The following SF3A3 variants were observed in gnomAD, a reference collection of about 807,000 sequenced individuals.
SF3A3 encodes the protein splicing factor 3a subunit 3, also known as SAP 61.
In SF3A3, 9 loss-of-function variants were observed where a neutral mutation model predicts 85.8. That is an observed-to-expected ratio of 0.10 (90% CI 0.06 to 0.18). The LOEUF (loss-of-function observed/expected upper bound fraction) is 0.18, where lower values mean the gene tolerates loss of function less well. Ranked by LOEUF, SF3A3 falls within the 10% of genes least tolerant of loss-of-function variation. The pLI, the probability that SF3A3 is intolerant of heterozygous loss-of-function variation, is 1.00. For missense variants in SF3A3, 306 were observed against 593.3 expected, an observed-to-expected ratio of 0.52 and a Z score of 5.03; for synonymous variants, 195 against 204.4, an observed-to-expected ratio of 0.95 and a Z score of 0.39.
intron 15 of SF3A3, among the ~76,000 whole-genome samples, chr1:37,965,226 AG>A (rs1646290406): frequency 1.4e-5 from 2 of 142,076 alleles, no homozygotes; most frequent in Admixed American, 1.5e-4. Flanking sequence ...AGCATTTTGT[AG>A]GGCCAAGGTG....
chr1:37,989,824 T>TC (rs755554570), intron 1 of SF3A3, 46 bp downstream of exon 1: 194 of 1,464,698 alleles, frequency 1.3e-4, no homozygotes, highest in Non-Finnish European at 1.8e-4. Flanking sequence ...AAACACGGGA[T>TC]AGAGGCTCGT....
chr1:37,970,304 C>CAA (rs35452372), intron 12 of SF3A3, among the ~76,000 whole-genome samples: 89 of 103,480 alleles, frequency 8.6e-4, no homozygotes, highest in African/African-American at 2.6e-3. Context: ...GACTCCTTCT[C>CAA]AAAAAAAAAA....
intron 15 of SF3A3, among the ~76,000 whole-genome samples, chr1:37,966,915 A>G (rs1048421680): frequency 1.0e-5 from 1 of 99,062 alleles, no homozygotes; most frequent in African/African-American, 4.1e-5. Context: ...AGCCTGGGCA[A>G]TATGAGCGAA....
intron 15 of SF3A3, among the ~76,000 whole-genome samples, chr1:37,965,302 C>CAAAAAAAAAAA (rs55747818): frequency 8.0e-5 from 8 of 100,374 alleles, no homozygotes; most frequent in Admixed American, 2.5e-4. Context: ...CCCATCGGCA[C>CAAAAAAAAAAA]AAAAAAAAAA....
At chr1:37,965,997 T>C (rs757917204) in intron 15 of SF3A3, among the ~76,000 whole-genome samples, 22 of 151,858 alleles carry the variant, frequency 1.4e-4, no homozygotes, top group Non-Finnish European at 2.1e-4. Flanking sequence ...GATCAGGAGT[T>C]TGAGACCAGC....
intron 12 of SF3A3, among the ~76,000 whole-genome samples, chr1:37,971,079 T>C (rs1646341761): frequency 6.6e-6 from 1 of 152,024 alleles, no homozygotes; most frequent in East Asian, 1.9e-4. Context: ...GAGCTGGTTT[T>C]TTGAAAAGAT....
chr1:37,958,553 A>C (rs569766608), intron 16 of SF3A3, among the ~76,000 whole-genome samples: 1 of 152,196 alleles, frequency 6.6e-6, no homozygotes, highest in Non-Finnish European at 1.5e-5. Flanking sequence ...TTAGCTCTCT[A>C]TGTTTAAGAT....
chr1:37,958,531 A>C (rs1482265163), intron 16 of SF3A3, among the ~76,000 whole-genome samples: 1 of 152,248 alleles, frequency 6.6e-6, no homozygotes, highest in Non-Finnish European at 1.5e-5. Context: ...AGTATCTGAG[A>C]AAATAGTTTA....
At chr1:37,968,325 C>T (rs910704023) in intron 14 of SF3A3, among the ~76,000 whole-genome samples, 191 bp from the exon 15 acceptor site, 2 of 152,176 alleles carry the variant, frequency 1.3e-5, no homozygotes, top group Admixed American at 6.6e-5. Flanking sequence ...CAAAGCAGCA[C>T]TGCATTGTTT....
rs1646398570 is a variant in SF3A3 at position 37,978,970 on chromosome 1, A to G, written c.827+18T>C. 1 of 1,609,462 alleles carries G rather than the reference A, an allele frequency of 6.2e-7. No individual in the cohort carries two copies. Among genetic ancestry groups the G allele is most frequent in the African/African-American group, 1.3e-5 (1 of 74,822 alleles). On this transcript the variant is annotated intron_variant, in intron 10 of 16. Transcript: ENST00000373019. ...CACACAGTAAATCGATAGTTTTGAT[A>G]GAAAAACTATTCCTTACCCGCCACA...
intron 6 of SF3A3, 102 bp from the exon 7 acceptor site, chr1:37,981,913 T>C: frequency 1.4e-6 from 1 of 719,964 alleles, no homozygotes; most frequent in Non-Finnish European, 2.3e-6. Context: ...GAGTGTTTTC[T>C]AAAGAAGTAA....
chr1:37,973,122 T>C (rs1009959218), intron 12 of SF3A3, among the ~76,000 whole-genome samples: 1 of 151,956 alleles, frequency 6.6e-6, no homozygotes, highest in Non-Finnish European at 1.5e-5. Context: ...GAGGTTGCAG[T>C]GAGCTGGGAT....
Position 37,980,590 on chromosome 1 carries a change from C to T in SF3A3, c.686G>A (p.Trp229Ter). Residue 229 changes from tryptophan (W) to a stop codon, truncating the protein, a stop_gained, in exon 8 of 17, where the codon TGG becomes TAG. Coordinates refer to ENST00000373019, the MANE Select transcript of SF3A3 (RefSeq NM_006802.4). LOFTEE classifies it high-confidence loss of function. The stretch of plus-strand genomic sequence containing the variant: ...TCACATCCCACTGAAGCTCACCGGC[C>T]ATCCAGGAAAGGTCCCATTCTCCCA... ...KKWENGTFPG[W>*]PKETSSALTH... 1 of 1,613,786 alleles carries T rather than the reference C, an allele frequency of 6.2e-7. No individual in the cohort carries two copies. Among genetic ancestry groups the T allele is most frequent in the Non-Finnish European group, 8.5e-7 (1 of 1,179,928 alleles).
chr1:37,975,829 C>A (rs1258875320), intron 12 of SF3A3, among the ~76,000 whole-genome samples: 1 of 152,180 alleles, frequency 6.6e-6, no homozygotes, highest in Non-Finnish European at 1.5e-5. Flanking sequence ...ACTCAACGGA[C>A]CATGCGAGTA....
At chr1:37,989,733 G>A (rs529902521) in intron 1 of SF3A3, 137 bp downstream of exon 1, 241 of 1,243,724 alleles carry the variant, frequency 1.9e-4, no homozygotes, top group Non-Finnish European at 2.6e-4. Context: ...CCCGGGAGGA[G>A]GTTACCAAGA....
Position 37,984,397 on chromosome 1 carries a change from C to T in SF3A3, c.377-137G>A, listed in dbSNP as rs952456022. ...TGTCTTCCCTTTGCTCACAATATAA[C>T]CTCCAATAAGTTAAGTGAGATCAAA... On this transcript the variant is annotated intron_variant, in intron 5 of 16. Transcript: ENST00000373019. The T allele has an allele frequency of 4.8e-6, 3 of 631,574 alleles. No homozygotes were observed. In the Admixed American group the frequency reaches 7.9e-5, roughly 17 times the overall value. 39.1% of individuals were successfully genotyped at this position (631,574 alleles called of 1,614,324 possible). A position where few individuals can be genotyped will look rare whatever the true frequency, so the allele number is the denominator to read the frequency against.
intron 4 of SF3A3, among the ~76,000 whole-genome samples, chr1:37,985,133 T>C (rs1404777880): frequency 1.3e-5 from 2 of 152,226 alleles, no homozygotes; most frequent in Non-Finnish European, 2.9e-5. Flanking sequence ...AATGTAAAAG[T>C]TGCAAGATCA....
chr1:37,972,729 A>G (rs1037199793), intron 12 of SF3A3, among the ~76,000 whole-genome samples: 2 of 152,198 alleles, frequency 1.3e-5, no homozygotes, highest in Non-Finnish European at 2.9e-5. Flanking sequence ...CACATCTACA[A>G]CCATCTGATC....
At chr1:37,979,419 A>G (rs750577529) in intron 9 of SF3A3, 46 bp downstream of exon 9, 1 of 1,440,954 alleles carries the variant, frequency 6.9e-7, no homozygotes, top group Non-Finnish European at 9.7e-7. Flanking sequence ...CTTTAAAGAC[A>G]GAAAAATAGA....
Sources: gnomAD v4.1 joint callset for allele counts (sites outside exome capture counted in the v4.1 genomes callset) on GRCh38, gnomAD v4.1.1 for gene constraint, MANE v1.5 for transcripts, NCBI Gene and HGNC (gene_info 2026-07-23, HGNC 2026-07-21) for gene names.